The following SLC4A4 variants were observed in gnomAD, a reference collection of about 807,000 sequenced individuals.
The protein encoded by SLC4A4 is electrogenic sodium bicarbonate cotransporter 1.
SLC4A4 carries 27 observed loss-of-function variants against 111.5 expected under a neutral mutation model. The ratio of observed to expected loss-of-function variants is 0.24; its 90% confidence interval spans 0.18 to 0.33. The LOEUF is 0.33. SLC4A4 is among the 10% of genes least tolerant of loss of function. The pLI, the probability that SLC4A4 is intolerant of heterozygous loss-of-function variation, is 1.00. For missense variants in SLC4A4, 909 were observed against 1,315.5 expected, an observed-to-expected ratio of 0.69 and a Z score of 4.78; for synonymous variants, 443 against 463.4, an observed-to-expected ratio of 0.96 and a Z score of 0.57.
At chr4:71,254,640 T>C (rs1374094546) in intron 2 of SLC4A4, among the ~76,000 whole-genome samples, 3 of 151,586 alleles carry the variant, frequency 2.0e-5, no homozygotes, top group East Asian at 3.9e-4. Context: ...GTCTCTATTT[T>C]GCTGATTAGG....
chr4:71,221,995 C>G (rs1718774186), intron 1 of SLC4A4, among the ~76,000 whole-genome samples: 1 of 152,192 alleles, frequency 6.6e-6, no homozygotes, highest in Non-Finnish European at 1.5e-5. Flanking sequence ...AAGCAGGTTT[C>G]AGGAAGCACC....
intron 3 of SLC4A4, among the ~76,000 whole-genome samples, chr4:71,310,154 A>G (rs1396216522): frequency 6.6e-6 from 1 of 152,070 alleles, no homozygotes; most frequent in Non-Finnish European, 1.5e-5. Context: ...AAAAGGAATG[A>G]ACAAAACCTC....
intron 10 of SLC4A4, among the ~76,000 whole-genome samples, 181 bp from the exon 11 acceptor site, chr4:71,451,007 T>A (rs143977629): frequency 9.2e-5 from 14 of 152,366 alleles, no homozygotes; most frequent in African/African-American, 3.4e-4. Flanking sequence ...ATTCATCCAG[T>A]CATTTGTATT....
rs553879132 is a variant in SLC4A4 at position 71,090,420 on chromosome 4, C to G, written c.-64-2310C>G. Among the ~76,000 whole-genome samples the G allele has an allele frequency of 2.5e-3, 385 of 152,286 alleles. 1 individual carries two copies. Among genetic ancestry groups the G allele is most frequent in the African/African-American group, 9.0e-3 (373 of 41,560 alleles). ...CCACTGTCCTGCACCCACTTTCTGA[C>G]ACTCCCCAGTGAGATGAACCTGGTA... On this transcript the variant is annotated intron_variant, in intron 1 of 26. Coordinates refer to the SLC4A4 transcript ENST00000649996.
At chr4:71,478,956 C>A (rs1403115885) in intron 14 of SLC4A4, among the ~76,000 whole-genome samples, 1 of 151,568 alleles carries the variant, frequency 6.6e-6, no homozygotes, top group Non-Finnish European at 1.5e-5. Context: ...CTTGCAGTGA[C>A]TATATACTCA....
At chr4:71,295,876 T>G (rs1043952460) in intron 3 of SLC4A4, among the ~76,000 whole-genome samples, 5 of 152,116 alleles carry the variant, frequency 3.3e-5, no homozygotes, top group Admixed American at 3.3e-4. Context: ...GCCAGGCTGG[T>G]CTCGAACTCA....
At chr4:71,265,592 C>CT (rs1722180326) in intron 3 of SLC4A4, among the ~76,000 whole-genome samples, 5 of 152,092 alleles carry the variant, frequency 3.3e-5, no homozygotes, top group African/African-American at 1.2e-4. Context: ...CTTACCTCCT[C>CT]AAAATAGAGC....
At chr4:71,160,584 C>T (rs899494993) in intron 2 of SLC4A4, among the ~76,000 whole-genome samples, 5 of 150,496 alleles carry the variant, frequency 3.3e-5, no homozygotes, top group East Asian at 1.9e-4. Context: ...GGGAAAGGGG[C>T]GGTAATATGG....
chr4:71,513,815 A>G (rs1732139989), intron 16 of SLC4A4, among the ~76,000 whole-genome samples: 1 of 152,058 alleles, frequency 6.6e-6, no homozygotes, highest in Non-Finnish European at 1.5e-5. Flanking sequence ...TTCTATTCCT[A>G]GTTTATTGAG....
At chr4:71,246,606 GT>G (rs1720674387) in intron 2 of SLC4A4, among the ~76,000 whole-genome samples, 1 of 152,192 alleles carries the variant, frequency 6.6e-6, no homozygotes. Context: ...TTTTGGAGCA[GT>G]TTATGGAACT....
At chr4:71,120,018 C>A (rs758140996) in intron 2 of SLC4A4, among the ~76,000 whole-genome samples, 1 of 151,998 alleles carries the variant, frequency 6.6e-6, no homozygotes, top group Admixed American at 6.5e-5. Flanking sequence ...TATTTGCAAG[C>A]TTGTCTTTTA....
intron 16 of SLC4A4, among the ~76,000 whole-genome samples, chr4:71,499,450 AT>A (rs975439110): frequency 2.0e-5 from 3 of 152,202 alleles, no homozygotes; most frequent in Admixed American, 6.6e-5. Context: ...TGATGAGAAC[AT>A]TTAAAACCTA....
At chr4:71,258,680 C>G (rs1721633780) in intron 3 of SLC4A4, among the ~76,000 whole-genome samples, 1 of 152,172 alleles carries the variant, frequency 6.6e-6, no homozygotes, top group African/African-American at 2.4e-5. Flanking sequence ...AGCTGATTTT[C>G]TTGTTTTTAA....
chr4:71,325,965 A>G (rs546590138), intron 3 of SLC4A4, among the ~76,000 whole-genome samples: 1 of 151,956 alleles, frequency 6.6e-6, no homozygotes, highest in South Asian at 2.1e-4. Context: ...TCTTTTATTT[A>G]TAAAGGTGAA....
chr4:71,323,820 AACT>A, intron 3 of SLC4A4, among the ~76,000 whole-genome samples: 1 of 145,238 alleles, frequency 6.9e-6, no homozygotes, highest in African/African-American at 2.8e-5. Context: ...GGCATCCCCA[AACT>A]ACTGTGTTGT....
At chr4:71,165,767 T>C (rs1260442729) in intron 2 of SLC4A4, among the ~76,000 whole-genome samples, 1 of 152,146 alleles carries the variant, frequency 6.6e-6, no homozygotes, top group African/African-American at 2.4e-5. Context: ...CTTGTTACAG[T>C]ACATCATTAA....
intron 3 of SLC4A4, among the ~76,000 whole-genome samples, chr4:71,330,652 A>G (rs1245681691): frequency 1.3e-5 from 2 of 152,232 alleles, no homozygotes; most frequent in Non-Finnish European, 2.9e-5. Context: ...CCTAGGCAAT[A>G]CCATTCAGGA....
intron 14 of SLC4A4, among the ~76,000 whole-genome samples, chr4:71,484,165 C>A (rs559444448): frequency 1.3e-5 from 2 of 151,748 alleles, no homozygotes; most frequent in Non-Finnish European, 2.9e-5. Context: ...TGTGCAGAAG[C>A]GCTTTAGTTT....
intron 1 of SLC4A4, among the ~76,000 whole-genome samples, chr4:71,090,702 G>T (rs752635518): frequency 4.6e-5 from 7 of 152,182 alleles, no homozygotes; most frequent in Non-Finnish European, 8.8e-5. Context: ...GTTGTTCTTT[G>T]CTGGGAAAAA....
Sources: gnomAD v4.1 joint callset for allele counts (sites outside exome capture counted in the v4.1 genomes callset) on GRCh38, gnomAD v4.1.1 for gene constraint, MANE v1.5 for transcripts, NCBI Gene and HGNC (gene_info 2026-07-23, HGNC 2026-07-21) for gene names.